The following PTK7 variants were observed in gnomAD, a reference collection of about 807,000 sequenced individuals.
The protein encoded by PTK7 is protein tyrosine kinase 7 (inactive), also known as inactive tyrosine-protein kinase 7.
Under a neutral mutation model 116.6 loss-of-function variants are expected in PTK7, and 39 were observed. The ratio of observed to expected loss-of-function variants is 0.33; its 90% CI spans 0.26 to 0.44. The LOEUF (loss-of-function observed/expected upper bound fraction) is 0.44, where lower values mean the gene tolerates loss of function less well. PTK7 is among the 20% of genes least tolerant of loss of function. The pLI is 1.00. For synonymous variants in PTK7, 546 were observed against 563.6 expected (o/e 0.97, Z 0.44); for missense variants, 1,169 against 1,425.6 (o/e 0.82, Z 2.90).
intron 17 of PTK7, among the ~76,000 whole-genome samples, chr6:43,149,867 GA>G: frequency 6.6e-6 from 1 of 152,200 alleles, no homozygotes. Context: ...GGCTGGTCTT[GA>G]ACTTAAGTAT....
chr6:43,137,955 C>T (rs1331914181), intron 7 of PTK7, among the ~76,000 whole-genome samples: 9 of 151,880 alleles, frequency 5.9e-5, no homozygotes, highest in African/African-American at 1.7e-4. Context: ...TACAGGTGCC[C>T]GCCACCACAC....
At chr6:43,100,557 T>C (rs1447842342) in intron 1 of PTK7, among the ~76,000 whole-genome samples, 1 of 152,224 alleles carries the variant, frequency 6.6e-6, no homozygotes, top group Non-Finnish European at 1.5e-5. Context: ...CTTTATAGTT[T>C]AAAACTGATT....
intron 1 of PTK7, among the ~76,000 whole-genome samples, chr6:43,105,980 G>A (rs1767867744): frequency 6.6e-6 from 1 of 152,162 alleles, no homozygotes; most frequent in Admixed American, 6.6e-5. Context: ...CCGTAGCCGT[G>A]CCTTCTGTGA....
In PTK7 at chr6:43,076,545, C is replaced by CCTG; in HGVS notation, c.65_67dup (p.Leu22dup). On this transcript the variant is annotated inframe_insertion, in exon 1 of 20. Transcript: ENST00000230419. The surrounding 1 kb of genome is among the most constrained non-coding windows in gnomAD (Gnocchi z 5.7). Reference sequence around the variant, plus strand: ...CCCGCCGGTTGCCTCTGCTCAGCGTCCTGCTGCTGCCGCTGCTGGGCGGTG... The same window carrying CCTG: ...CCCGCCGGTTGCCTCTGCTCAGCGTCCTGCTGCTGCTGCCGCTGCTGGGCGGTG... 1 of 1,577,926 alleles carries CCTG rather than the reference C, an allele frequency of 6.3e-7. No individual in the cohort carries two copies. The highest frequency in any genetic ancestry group is 8.6e-7 in the Non-Finnish European group (1 of 1,167,414).
chr6:43,131,905 G>T, intron 5 of PTK7, 111 bp from the exon 6 acceptor site: 1 of 1,434,402 alleles, frequency 7.0e-7, no homozygotes, highest in Non-Finnish European at 9.7e-7. Context: ...CCCTGTTCCT[G>T]GTCGATTCCT....
intron 1 of PTK7, among the ~76,000 whole-genome samples, chr6:43,124,500 A>G (rs1215519231): frequency 1.3e-5 from 2 of 151,900 alleles, no homozygotes; most frequent in Non-Finnish European, 2.9e-5. Flanking sequence ...CCTGGGCAAC[A>G]TGGCAAAACC....
chr6:43,140,357 G>A (rs1770323512), intron 10 of PTK7, among the ~76,000 whole-genome samples: 1 of 151,668 alleles, frequency 6.6e-6, no homozygotes. Flanking sequence ...GGAGGCTGAG[G>A]TAGGAGAATT....
intron 17 of PTK7, 145 bp downstream of exon 17, chr6:43,146,843 G>T (rs144612974): frequency 1.4e-6 from 1 of 707,068 alleles, no homozygotes; most frequent in Non-Finnish European, 2.4e-6. Context: ...CACGGTAGTC[G>T]TCTGAAATAT....
At chr6:43,148,601 C>T (rs1315130984) in intron 17 of PTK7, among the ~76,000 whole-genome samples, 3 of 152,190 alleles carry the variant, frequency 2.0e-5, no homozygotes, top group Non-Finnish European at 4.4e-5. Context: ...TTACCTTTCT[C>T]ATGTGACCTA....
chr6:43,117,145 C>A (rs768419952), intron 1 of PTK7, among the ~76,000 whole-genome samples: 24 of 152,200 alleles, frequency 1.6e-4, no homozygotes, highest in South Asian at 6.2e-4. Flanking sequence ...CAACTATGGA[C>A]AGCTCTGTTC....
intron 1 of PTK7, among the ~76,000 whole-genome samples, chr6:43,116,912 C>T (rs1469547959): frequency 6.6e-6 from 1 of 152,180 alleles, no homozygotes; most frequent in African/African-American, 2.4e-5. Flanking sequence ...CAACCTCCAT[C>T]TCCTGGGTTC....
chr6:43,155,502 G>C (rs1418641265), intron 17 of PTK7, among the ~76,000 whole-genome samples: 1 of 151,998 alleles, frequency 6.6e-6, no homozygotes, highest in Non-Finnish European at 1.5e-5. Flanking sequence ...AAGTTAGCTG[G>C]GCGTGGTGGT....
chr6:43,117,990 A>G (rs76175433), intron 1 of PTK7, among the ~76,000 whole-genome samples: 7,505 of 151,768 alleles, frequency 0.049, 235 homozygotes, highest in African/African-American at 0.08. Context: ...GCAGAATCCT[A>G]TGGATTAAAA....
chr6:43,160,872 C>A lies in PTK7; in HGVS notation c.3204C>A (p.Ser1068Arg). ...CCCTGGGAGACAGCACCGTGGACAG[C>A]AAGCCGTGAGGAGGGAGCCCGCTCA... Reference protein sequence around the residue: ...ASALGDSTVDSKP With the variant: ...ASALGDSTVDRKP The change falls in exon 20 of 20, where the codon AGC becomes AGA. Residue 1068 changes from serine to arginine, a missense_variant. Ser to Arg is a moderately radical substitution (Grantham distance 110). Coordinates refer to ENST00000230419, the MANE Select transcript of PTK7 (RefSeq NM_002821.5). The A allele has an allele frequency of 6.2e-7, 1 of 1,613,868 alleles. No individual in the cohort carries two copies. The highest frequency in any genetic ancestry group is 1.1e-5 in the South Asian group (1 of 91,058).
chr6:43,125,636 ATCT>A (rs1311443506), intron 1 of PTK7, among the ~76,000 whole-genome samples: 2 of 152,148 alleles, frequency 1.3e-5, no homozygotes, highest in Non-Finnish European at 2.9e-5. Context: ...GAGCCTTCTA[ATCT>A]TCTTAGAAGT....
chr6:43,151,871 G>A (rs1409194376), intron 17 of PTK7, among the ~76,000 whole-genome samples: 1 of 104,178 alleles, frequency 9.6e-6, no homozygotes, highest in African/African-American at 3.9e-5. Flanking sequence ...ATTTGAGGCA[G>A]TCTCGCTCTG....
At chr6:43,132,845 A>G in intron 7 of PTK7, 158 bp downstream of exon 7, 2 of 1,050,918 alleles carry the variant, frequency 1.9e-6, no homozygotes, top group Non-Finnish European at 2.8e-6. Flanking sequence ...TGTAGACAGT[A>G]GAGAGCCAGG....
intron 1 of PTK7, among the ~76,000 whole-genome samples, chr6:43,080,066 AAAAG>A (rs1342546921): frequency 1.3e-5 from 2 of 151,708 alleles, no homozygotes; most frequent in African/African-American, 2.4e-5. Context: ...AAAAAAAAAA[AAAAG>A]GGCAGGATGC....
chr6:43,144,505 T>G lies in PTK7; in HGVS notation c.2306T>G (p.Leu769Trp). 1 of 1,614,124 alleles carries G rather than the reference T, an allele frequency of 6.2e-7. No homozygotes were observed. The highest frequency in any genetic ancestry group is 8.5e-7 in the Non-Finnish European group (1 of 1,180,006). Residue 769 changes from leucine (L) to tryptophan (W), a missense_variant, in exon 15 of 20, where the codon TTG (leucine) becomes TGG (tryptophan). Physicochemically the swap from Leu to Trp is moderately conservative, Grantham distance 61. Transcript: ENST00000230419. The stretch of plus-strand genomic sequence containing the variant: ...GCAGAGATCCAAGAAGAAGTGGCCT[T>G]GACCAGCTTGGGCTCCGGCCCCGCG... The part of the protein sequence containing the change: ...PSAEIQEEVA[L>W]TSLGSGPAAT...
Sources: gnomAD v4.1 joint callset for allele counts (sites outside exome capture counted in the v4.1 genomes callset) on GRCh38, gnomAD v4.1.1 for gene constraint, Gnocchi (gnomAD v3.1) non-coding constraint, MANE v1.5 for transcripts, NCBI Gene and HGNC (gene_info 2026-07-23, HGNC 2026-07-21) for gene names.